HCN2: variants seen among roughly 807,000 people sequenced by gnomAD.
HCN2 encodes hyperpolarization activated cyclic nucleotide gated potassium and sodium channel 2, also known as potassium/sodium hyperpolarization-activated cyclic nucleotide-gated channel 2.
A neutral mutation model predicts 52.3 loss-of-function variants in HCN2; 20 were observed. The observed-to-expected ratio is 0.38, with a 90% CI of 0.27 to 0.56. The LOEUF (loss-of-function observed/expected upper bound fraction) is 0.56, where lower values mean the gene tolerates loss of function less well. HCN2 is among the 20% of genes least tolerant of loss of function. The pLI, the probability that HCN2 is intolerant of heterozygous loss-of-function variation, is 0.71. For synonymous variants in HCN2, 694 were observed against 537.0 expected (o/e 1.29, Z -4.04); for missense variants, 981 against 1,207.7 (o/e 0.81, Z 2.78).
chr19:615,635 G>A (rs562617154), intron 7 of HCN2, among the ~76,000 whole-genome samples, 160 bp from the exon 8 acceptor site: 21 of 152,358 alleles, frequency 1.4e-4, no homozygotes, highest in East Asian at 7.7e-4. Context: ...ATAGGCCAGA[G>A]ATGCTACATA....
At chr19:595,589 G>A (rs1411491114) in intron 1 of HCN2, among the ~76,000 whole-genome samples, 1 of 152,136 alleles carries the variant, frequency 6.6e-6, no homozygotes, top group Non-Finnish European at 1.5e-5. Context: ...CTCCTCCAAG[G>A]AGCCCTCCCA....
chr19:611,388 C>T (rs890641794), intron 5 of HCN2, among the ~76,000 whole-genome samples: 2 of 152,146 alleles, frequency 1.3e-5, no homozygotes, highest in Admixed American at 6.5e-5. Flanking sequence ...TCAGCAAGGC[C>T]GTGTGTGAGC....
intron 3 of HCN2, among the ~76,000 whole-genome samples, chr19:605,552 C>T (rs1983397452): frequency 2.6e-5 from 1 of 39,190 alleles, no homozygotes; most frequent in African/African-American, 2.6e-4. Flanking sequence ...GGGACCCAGG[C>T]GCCCCCTTAT....
At chr19:606,954 C>T (rs1346826051) in intron 3 of HCN2, among the ~76,000 whole-genome samples, 11 of 151,884 alleles carry the variant, frequency 7.2e-5, no homozygotes, top group Admixed American at 7.2e-4. Context: ...GGGCTGATCA[C>T]CTGAGGTCAG....
intron 7 of HCN2, among the ~76,000 whole-genome samples, chr19:615,156 T>G (rs1288216126): frequency 6.6e-6 from 1 of 152,036 alleles, no homozygotes; most frequent in Admixed American, 6.6e-5. Flanking sequence ...CGTATACAGG[T>G]GGTACACATG....
intron 5 of HCN2, among the ~76,000 whole-genome samples, chr19:612,706 C>T (rs992692520): frequency 1.5e-4 from 23 of 151,464 alleles, no homozygotes; most frequent in African/African-American, 2.4e-4. Context: ...TGAGCCACCA[C>T]GCCCGGCCTT....
rs1295812381 is a variant in HCN2 at position 616,178 on chromosome 19, A to T, written c.2374A>T (p.Thr792Ser). ...GCCCGCCAGCCCCCGGGCACCGCGG[A>T]CCTCGCCCTACGGCGGCCTGCCCGC... Reference protein sequence around the residue: ...GAPASPRAPRTSPYGGLPAAP... With the variant: ...GAPASPRAPRSSPYGGLPAAP... The change falls in exon 8 of 8, where the codon ACC (threonine) becomes TCC (serine). Residue 792 changes from threonine (T) to serine (S), a missense_variant. Coordinates refer to ENST00000251287, the MANE Select transcript of HCN2 (RefSeq NM_001194.4). 96 of 926,600 alleles carry T rather than the reference A, an allele frequency of 1.0e-4. No homozygotes were observed. Among genetic ancestry groups the T allele is most frequent in the Non-Finnish European group, 1.2e-4 (92 of 789,642 alleles). 57.4% of individuals were successfully genotyped at this position (926,600 alleles called of 1,614,324 possible).
chr19:606,139 G>A (rs958637153), intron 3 of HCN2, among the ~76,000 whole-genome samples: 7 of 151,864 alleles, frequency 4.6e-5, no homozygotes, highest in East Asian at 3.9e-4. Context: ...TCACTCTGTC[G>A]CCCAGGCTGG....
At chr19:603,313 G>A (rs1485324623) in intron 1 of HCN2, among the ~76,000 whole-genome samples, 13 of 91,344 alleles carry the variant, frequency 1.4e-4, no homozygotes, top group African/African-American at 2.2e-4. Flanking sequence ...CCCCCAGGGA[G>A]GAATGCCCGG....
intron 1 of HCN2, among the ~76,000 whole-genome samples, chr19:597,966 C>T (rs1328466716): frequency 6.6e-6 from 1 of 152,206 alleles, no homozygotes; most frequent in Non-Finnish European, 1.5e-5. Flanking sequence ...GCCCTGTGGC[C>T]TTCTCAACTG....
chr19:604,636 C>CATCCG (rs1983342737), intron 2 of HCN2, among the ~76,000 whole-genome samples: 1 of 90,038 alleles, frequency 1.1e-5, no homozygotes, highest in Non-Finnish European at 2.2e-5. Flanking sequence ...CGGGGTCAGG[C>CATCCG]AGCAAGGGCG....
Position 614,083 on chromosome 19 carries a change from G to A in HCN2, c.1990+67G>A, listed in dbSNP as rs967482648. ...GGGGAGGGGCGTGGCCAAGGCATCA[G>A]GAGAGTGGCTTGGACAGTGGCAGGG... On this transcript the variant is annotated intron_variant, in intron 7 of 7. Transcript: ENST00000251287. 2.3e-5 allele frequency: 29 copies of A among 1,249,512 alleles called. No individual in the cohort carries two copies. The South Asian group carries it at 4.8e-4, about 21-fold the overall frequency. The allele number at this position is 1,249,512 out of a possible 1,614,324, so 77.4% of individuals were successfully genotyped here.
At chr19:595,217 A>AC (rs959855621) in intron 1 of HCN2, among the ~76,000 whole-genome samples, 1 of 151,828 alleles carries the variant, frequency 6.6e-6, no homozygotes, top group Non-Finnish European at 1.5e-5. Flanking sequence ...AATAAAAAAA[A>AC]CCTAAAAACC....
At chr19:614,690 G>A (rs568605993) in intron 7 of HCN2, among the ~76,000 whole-genome samples, 5 of 152,078 alleles carry the variant, frequency 3.3e-5, no homozygotes, top group Non-Finnish European at 5.9e-5. Context: ...GGCAGGGAGA[G>A]TTTAGACTAA....
chr19:608,237 C>A (rs1983489004), intron 4 of HCN2, 55 bp downstream of exon 4: 16 of 1,523,306 alleles, frequency 1.1e-5, no homozygotes, highest in Non-Finnish European at 1.4e-5. Context: ...GGGCCTGGAT[C>A]TGGGGTCTGA....
chr19:610,169 A>G lies in HCN2; in HGVS notation c.1438-90A>G. 2.0e-6 allele frequency: 3 copies of G among 1,473,612 alleles called. No individual in the cohort carries two copies. The Admixed American group carries it at 5.4e-5, about 26-fold the overall frequency. The allele number at this position is 1,473,612 out of a possible 1,614,324, so 91.3% of individuals were successfully genotyped here. ...GCAGGCTGGGGGCGGTGTCTGACCC[A>G]GCCTCGCCTCCCCACAGTACAAGCA... On this transcript the variant is annotated intron_variant, in intron 4 of 7. Coordinates refer to ENST00000251287, the MANE Select transcript of HCN2 (RefSeq NM_001194.4).
Position 590,114 on chromosome 19 carries a change from C to T in HCN2, c.169C>T (p.Arg57Trp). 1 of 862,694 alleles carries T rather than the reference C, an allele frequency of 1.2e-6. No individual in the cohort carries two copies. Among genetic ancestry groups the T allele is most frequent in the African/African-American group, 1.9e-5 (1 of 53,296 alleles). 53.4% of individuals were successfully genotyped at this position (862,694 alleles called of 1,614,324 possible). A position where few individuals can be genotyped will look rare whatever the true frequency, so the allele number is the denominator to read the frequency against. ...PGPAPPQHPPRAEALPPEAAD... is the reference protein window; with the variant it reads ...PGPAPPQHPPWAEALPPEAAD... ...GCCCGCGCCCCCCCAGCACCCGCCCCGGGCCGAGGCGTTGCCCCCGGAGGC... is the reference window on the plus strand; with the variant it reads ...GCCCGCGCCCCCCCAGCACCCGCCCTGGGCCGAGGCGTTGCCCCCGGAGGC... The change falls in exon 1 of 8, where the codon CGG (arginine) becomes TGG (tryptophan). Residue 57 changes from arginine to tryptophan, a missense_variant. Arg to Trp is a moderately radical substitution (Grantham distance 101). This residue lies in a region of HCN2 where 215 missense variants were observed against 179.4 expected (regional missense o/e 1.20). Coordinates refer to ENST00000251287, the MANE Select transcript of HCN2 (RefSeq NM_001194.4). This position sits in a 1 kb window ranked among gnomAD's most constrained non-coding sequence, Gnocchi z 7.2.
intron 1 of HCN2, among the ~76,000 whole-genome samples, chr19:602,118 A>T (rs1332827385): frequency 8.4e-6 from 1 of 118,608 alleles, no homozygotes; most frequent in Non-Finnish European, 1.7e-5. Context: ...TCCTGCGTGG[A>T]CGCCCCACTC....
At chr19:602,613 C>T (rs1983244656) in intron 1 of HCN2, among the ~76,000 whole-genome samples, 1 of 152,324 alleles carries the variant, frequency 6.6e-6, no homozygotes, top group African/African-American at 2.4e-5. Context: ...GTGCGCGCCG[C>T]CCTGCCTCGC....
Sources: allele counts gnomAD v4.1 joint callset (sites outside exome capture counted in the v4.1 genomes callset), GRCh38; gene constraint gnomAD v4.1.1; regional missense constraint gnomAD v4.1.1; non-coding constraint Gnocchi (gnomAD v3.1); transcripts MANE v1.5; gene names NCBI Gene and HGNC (gene_info 2026-07-23, HGNC 2026-07-21).